The following SPSB4 variants were observed in gnomAD, a reference collection of about 807,000 sequenced individuals.
SPSB4 encodes the protein SPRY domain-containing SOCS box protein 4.
Under a neutral mutation model 20.9 loss-of-function variants are expected in SPSB4, and 21 were observed. The ratio of observed to expected loss-of-function variants is 1.01; its 90% CI spans 0.71 to 1.45. The LOEUF (loss-of-function observed/expected upper bound fraction) is 1.45, where lower values mean the gene tolerates loss of function less well. SPSB4 is among the 40% of genes most tolerant of loss of function. SPSB4 has a pLI of 0.00. For synonymous variants in SPSB4, 207 were observed against 183.8 expected, an observed-to-expected ratio of 1.13 and a Z score of -1.02; for missense variants, 399 against 399.2, an observed-to-expected ratio of 1.00 and a Z score of 0.00.
chr3:141,098,519 G>T (rs947921834), intron 2 of SPSB4, among the ~76,000 whole-genome samples: 11 of 151,966 alleles, frequency 7.2e-5, no homozygotes, highest in African/African-American at 2.7e-4. Context: ...TAAGTATTTA[G>T]GGATATAAAA....
chr3:141,058,305 T>C (rs983399930), intron 1 of SPSB4, among the ~76,000 whole-genome samples: 15 of 152,236 alleles, frequency 9.9e-5, no homozygotes, highest in African/African-American at 3.4e-4. Context: ...GAACATCTGC[T>C]AGGGTCCTGG....
intron 1 of SPSB4, among the ~76,000 whole-genome samples, chr3:141,061,810 A>C (rs1158350544): frequency 7.0e-6 from 1 of 142,990 alleles, no homozygotes; most frequent in Non-Finnish European, 1.5e-5. Flanking sequence ...ATCTTGGCTT[A>C]CTGCAACCTC....
At chr3:141,057,882 G>A (rs1184027268) in intron 1 of SPSB4, among the ~76,000 whole-genome samples, 2 of 152,210 alleles carry the variant, frequency 1.3e-5, no homozygotes, top group Admixed American at 1.3e-4. Flanking sequence ...TCTTTTTACA[G>A]TCTTTGTCAT....
At position 141,082,050 on chromosome 3, in the gene SPSB4, GCA is replaced by G. The variant is rs549362173; in HGVS notation, c.694+15256_694+15257del. Reference sequence around the variant, plus strand: ...AGTGCTGGTGGCTGCCGCATGGGGAGCACACGTCTTTCTCTTTTCCTCCTGAC... The same window carrying G: ...AGTGCTGGTGGCTGCCGCATGGGGAGCACGTCTTTCTCTTTTCCTCCTGAC... On this transcript the variant is annotated intron_variant, in intron 2 of 2. Transcript: ENST00000310546. Among the ~76,000 whole-genome samples, 650 of 152,240 alleles carry G rather than the reference GCA, an allele frequency of 4.3e-3. 4 individuals are homozygous for G. The highest frequency in any genetic ancestry group is 0.015 in the African/African-American group (632 of 41,530).
chr3:141,086,623 C>T (rs76638310), intron 2 of SPSB4, among the ~76,000 whole-genome samples: 3,311 of 152,336 alleles, frequency 0.022, 59 homozygotes, highest in Non-Finnish European at 0.034. Context: ...AATTACTCTT[C>T]TAAGCCCCAG....
chr3:141,124,043 G>A (rs538192241), intron 2 of SPSB4: 28 of 152,352 alleles, frequency 1.8e-4, no homozygotes, highest in African/African-American at 6.7e-4. Context: ...GTGGACTCAG[G>A]GCAATATGAA....
intron 2 of SPSB4, among the ~76,000 whole-genome samples, chr3:141,126,573 T>C (rs2107803098): frequency 6.6e-6 from 1 of 152,344 alleles, no homozygotes; most frequent in Non-Finnish European, 1.5e-5. Context: ...CTGCCCATTG[T>C]ATCAACCCCA....
intron 2 of SPSB4, among the ~76,000 whole-genome samples, chr3:141,110,496 C>T (rs1192503652): frequency 6.6e-6 from 1 of 152,196 alleles, no homozygotes; most frequent in African/African-American, 2.4e-5. Context: ...CTATACCAGT[C>T]AGGATAGCCC....
At chr3:141,109,326 G>A in intron 2 of SPSB4, among the ~76,000 whole-genome samples, 1 of 152,030 alleles carries the variant, frequency 6.6e-6, no homozygotes, top group South Asian at 2.1e-4. Context: ...AATGGTGGGA[G>A]CTCAGTTGTT....
intron 2 of SPSB4, among the ~76,000 whole-genome samples, chr3:141,075,984 C>T (rs542479969): frequency 7.2e-5 from 11 of 152,026 alleles, no homozygotes; most frequent in South Asian, 2.1e-4. Flanking sequence ...GATTTGAACC[C>T]GAAGGTGGAG....
chr3:141,068,842 C>T (rs1223295208), intron 2 of SPSB4, among the ~76,000 whole-genome samples: 1 of 152,176 alleles, frequency 6.6e-6, no homozygotes, highest in Non-Finnish European at 1.5e-5. Flanking sequence ...AACAGGGTTG[C>T]AGCCTGTGGG....
At chr3:141,142,234 G>A (rs1381650624) in intron 2 of SPSB4, among the ~76,000 whole-genome samples, 1 of 152,166 alleles carries the variant, frequency 6.6e-6, no homozygotes, top group East Asian at 1.9e-4. Context: ...GTTTTTGTAA[G>A]TTGTGTCACT....
At chr3:141,135,038 C>T (rs867186621) in intron 2 of SPSB4, among the ~76,000 whole-genome samples, 13 of 152,058 alleles carry the variant, frequency 8.5e-5, no homozygotes, top group Admixed American at 2.6e-4. Flanking sequence ...AGCACTGGAA[C>T]AGGGCTCTCT....
intron 2 of SPSB4, among the ~76,000 whole-genome samples, chr3:141,110,370 T>C (rs969548173): frequency 2.6e-5 from 4 of 152,208 alleles, no homozygotes; most frequent in African/African-American, 7.2e-5. Flanking sequence ...GTTGGGGAAA[T>C]AGAGGCTGAG....
intron 2 of SPSB4, among the ~76,000 whole-genome samples, chr3:141,123,308 C>CCCTTGTGTTGTCT (rs1021551496): frequency 2.0e-5 from 3 of 152,202 alleles, no homozygotes; most frequent in African/African-American, 7.2e-5. Flanking sequence ...ACCTCTGTGC[C>CCCTTGTGTTGTCT]CCTTGTGTTG....
At chr3:141,096,221 G>A (rs1938545436) in intron 2 of SPSB4, among the ~76,000 whole-genome samples, 1 of 152,114 alleles carries the variant, frequency 6.6e-6, no homozygotes, top group Admixed American at 6.5e-5. Context: ...GGGCCCCAGG[G>A]GGAAACAGCT....
At chr3:141,089,606 C>T (rs1434962561) in intron 2 of SPSB4, among the ~76,000 whole-genome samples, 8 of 152,264 alleles carry the variant, frequency 5.3e-5, no homozygotes, top group East Asian at 3.9e-4. Flanking sequence ...GTGTTTTCAA[C>T]GTCTTGGCCT....
intron 2 of SPSB4, among the ~76,000 whole-genome samples, chr3:141,068,083 A>G (rs1937925294): frequency 6.6e-6 from 1 of 152,214 alleles, no homozygotes; most frequent in Admixed American, 6.5e-5. Context: ...AAAAGAAGTC[A>G]AGGACAAGAT....
At chr3:141,096,354 T>C (rs1239251232) in intron 2 of SPSB4, among the ~76,000 whole-genome samples, 1 of 152,190 alleles carries the variant, frequency 6.6e-6, no homozygotes, top group Non-Finnish European at 1.5e-5. Flanking sequence ...ATCTGGACCT[T>C]ATACTTCTTT....
Sources: allele counts gnomAD v4.1 joint callset (sites outside exome capture counted in the v4.1 genomes callset), GRCh38; gene constraint gnomAD v4.1.1; transcripts MANE v1.5; gene names NCBI Gene and HGNC (gene_info 2026-07-23, HGNC 2026-07-21).